RPTOR: variants seen among roughly 807,000 people sequenced by gnomAD.
The protein encoded by RPTOR is regulatory associated protein of MTOR complex 1.
Under a neutral mutation model 169.9 loss-of-function variants are expected in RPTOR, and 21 were observed. The ratio of observed to expected loss-of-function variants is 0.12; its 90% CI spans 0.09 to 0.18. The LOEUF (loss-of-function observed/expected upper bound fraction) is 0.18. Ranked by LOEUF, RPTOR falls within the 10% of genes least tolerant of loss-of-function variation. RPTOR has a pLI of 1.00. For missense variants in RPTOR, 1,133 were observed against 1,855.9 expected, an observed-to-expected ratio of 0.61 and a Z score of 7.16; for synonymous variants, 732 against 753.2, an observed-to-expected ratio of 0.97 and a Z score of 0.46.
chr17:80,925,491 GGT>G lies in RPTOR; in HGVS notation c.2919+15_2919+16del. 6.2e-7 allele frequency: 1 copy of G among 1,606,600 alleles called. No individual in the cohort carries two copies. On this transcript the variant is annotated intron_variant, in intron 24 of 33. Coordinates refer to ENST00000306801, the MANE Select transcript of RPTOR (RefSeq NM_020761.3). ...CAGCCCGTCATGAAGGTGCGCCCGG[GGT>G]GTGGGGTTCAGAGTAGAGTCCTAGC...
Position 80,877,087 on chromosome 17 carries a change from G to A in RPTOR, c.1510-3328G>A, listed in dbSNP as rs543349033. Among the ~76,000 whole-genome samples, 4 of 152,174 alleles carry A rather than the reference G, an allele frequency of 2.6e-5. 1 individual carries two copies. Among genetic ancestry groups the A allele is most frequent in the East Asian group, 1.9e-4 (1 of 5,176 alleles). ...CCTGCTGGGTCTTCCCACTGAGCCC[G>A]TGCCACGCAGGGAGTGTGTGTTGCC... On this transcript the variant is annotated intron_variant, in intron 13 of 33. Transcript: ENST00000306801.
intron 3 of RPTOR, among the ~76,000 whole-genome samples, chr17:80,689,993 T>G (rs1308653115): frequency 3.9e-5 from 6 of 152,230 alleles, no homozygotes; most frequent in African/African-American, 1.4e-4. Flanking sequence ...ACTTTACCAT[T>G]AAGTTATATG....
In RPTOR at chr17:80,964,290, A is replaced by G; in HGVS notation, c.3968A>G (p.Tyr1323Cys). 6.2e-7 allele frequency: 1 copy of G among 1,607,774 alleles called. No homozygotes were observed. Among genetic ancestry groups the G allele is most frequent in the East Asian group, 2.2e-5 (1 of 44,776 alleles). ...CACCTGGCCGTGGGAAGCAACGACT[A>G]CTACATCTCCGTGTACTCGGTGGAG... The part of the protein sequence containing the change: ...WPHLAVGSND[Y>C]YISVYSVEKR... The change falls in exon 34 of 34, where the codon TAC becomes TGC. Residue 1323 changes from tyrosine to cysteine, a missense_variant. By Grantham distance (194) the Tyr-to-Cys change is radical. Transcript: ENST00000306801.
At chr17:80,872,099 C>T (rs1327405620) in intron 13 of RPTOR, among the ~76,000 whole-genome samples, 3 of 152,168 alleles carry the variant, frequency 2.0e-5, no homozygotes, top group Non-Finnish European at 2.9e-5. Context: ...AACAAGATTG[C>T]ATTGCTAGGG....
Position 80,700,902 on chromosome 17 carries a change from C to T in RPTOR, c.349-6939C>T, listed in dbSNP as rs62067889. ...TGGCTTGACCTGGGTATTGATAGCA[C>T]GGATAGAAAGAGGTGGATGGACTCA... On this transcript the variant is annotated intron_variant, in intron 3 of 33. Coordinates refer to ENST00000306801, the MANE Select transcript of RPTOR (RefSeq NM_020761.3). 5.3e-5 allele frequency among the ~76,000 whole-genome samples: 8 copies of T among 151,168 alleles called. No homozygotes were observed. In the East Asian group the frequency reaches 9.7e-4, roughly 18 times the overall value.
intron 3 of RPTOR, among the ~76,000 whole-genome samples, chr17:80,661,467 A>G (rs1038875327): frequency 6.6e-6 from 1 of 151,888 alleles, no homozygotes. Context: ...TCAACTAACA[A>G]CCCTTCTCCA....
rs919900084 is a variant in RPTOR, at chr17:80,742,001, A to C, written c.654+11295A>C. Among the ~76,000 whole-genome samples the C allele has an allele frequency of 5.9e-5, 9 of 152,138 alleles. No individual in the cohort carries two copies. The South Asian group carries it at 1.9e-3, about 32-fold the overall frequency. On this transcript the variant is annotated intron_variant, in intron 5 of 33. Transcript: ENST00000306801. Reference sequence around the variant, plus strand: ...CAGTTAGCTGATTGCTGTGCTGTTGAGCGGCTCACACGAGGAGGACTGAGG... The same window carrying C: ...CAGTTAGCTGATTGCTGTGCTGTTGCGCGGCTCACACGAGGAGGACTGAGG...
rs1431140575 is a variant in RPTOR, at chr17:80,659,814, T to G, written c.348+16004T>G. ...ACTGCGCCCGGACCATCTGGCTAAT[T>G]TAAAAAATTTTTTTGTAGAGATAAG... is the stretch of plus-strand genomic sequence containing the variant. On this transcript the variant is annotated intron_variant, in intron 3 of 33. Transcript: ENST00000306801. The surrounding 1 kb of genome is among the most constrained non-coding windows in gnomAD (Gnocchi z 4.3). Among the ~76,000 whole-genome samples, 1 of 152,158 alleles carries G rather than the reference T, an allele frequency of 6.6e-6. No homozygotes were observed. The highest frequency in any genetic ancestry group is 1.5e-5 in the Non-Finnish European group (1 of 68,016).
chr17:80,567,297 T>A (rs574836444), intron 1 of RPTOR, among the ~76,000 whole-genome samples: 26 of 152,166 alleles, frequency 1.7e-4, no homozygotes, highest in African/African-American at 4.1e-4. Flanking sequence ...ATTTTATTTT[T>A]TTTTTTGGTG....
chr17:80,896,214 T>C (rs2068396542), intron 20 of RPTOR, among the ~76,000 whole-genome samples: 1 of 152,222 alleles, frequency 6.6e-6, no homozygotes, highest in Admixed American at 6.5e-5. Flanking sequence ...ATTTTTTCTT[T>C]ATGCCACCCC....
chr17:80,701,477 G>T (rs1221377807), intron 3 of RPTOR, among the ~76,000 whole-genome samples: 1 of 152,144 alleles, frequency 6.6e-6, no homozygotes, highest in Non-Finnish European at 1.5e-5. Context: ...GGAAATGCCG[G>T]GCAGGGAAGA....
At chr17:80,940,221 A>T (rs1049113056) in intron 24 of RPTOR, among the ~76,000 whole-genome samples, 3 of 152,242 alleles carry the variant, frequency 2.0e-5, no homozygotes, top group Non-Finnish European at 2.9e-5. Flanking sequence ...TTAAAATAAC[A>T]ATACAACAAG....
intron 5 of RPTOR, among the ~76,000 whole-genome samples, chr17:80,743,767 T>C (rs539712541): frequency 0.1 from 8,422 of 83,626 alleles, 1,178 homozygotes; most frequent in African/African-American, 0.11. Context: ...ACTAGCACTC[T>C]CCTGGTTACT....
rs770003181 is a variant in RPTOR, at chr17:80,754,005, T to G, written c.655-5T>G. On this transcript the variant is annotated splice_region_variant and splice_polypyrimidine_tract_variant and intron_variant, in intron 5 of 33. Transcript: ENST00000306801. This position sits in a 1 kb window ranked among gnomAD's most constrained non-coding sequence, Gnocchi z 4.2. ...CTCTCTTTTCCCGAATGTTCTGCCC[T>G]TCAGGTAGCTGCAATCAACCCAAAT... 10 of 1,611,280 alleles carry G rather than the reference T, an allele frequency of 6.2e-6. No individual in the cohort carries two copies. Among genetic ancestry groups the G allele is most frequent in the Admixed American group, 1.7e-5 (1 of 59,920 alleles).
intron 3 of RPTOR, among the ~76,000 whole-genome samples, chr17:80,698,383 G>A (rs2066055278): frequency 1.3e-5 from 2 of 151,958 alleles, no homozygotes; most frequent in African/African-American, 2.4e-5. Context: ...AAAAGTGACG[G>A]GACGGAGCAA....
chr17:80,826,913 T>A (rs1176960000), intron 9 of RPTOR, among the ~76,000 whole-genome samples: 8 of 152,258 alleles, frequency 5.3e-5, no homozygotes, highest in Non-Finnish European at 1.0e-4. Flanking sequence ...TTGAATTTTT[T>A]TCCTTTTTCT....
chr17:80,868,924 T>C (rs1226966333), intron 13 of RPTOR, among the ~76,000 whole-genome samples: 2 of 151,946 alleles, frequency 1.3e-5, no homozygotes, highest in Non-Finnish European at 2.9e-5. Flanking sequence ...AGAAAGAAGA[T>C]GAGCTGCTGC....
intron 3 of RPTOR, among the ~76,000 whole-genome samples, chr17:80,674,008 A>C (rs1046160946): frequency 1.3e-5 from 2 of 152,180 alleles, no homozygotes; most frequent in Admixed American, 1.3e-4. Context: ...CTTAAAATTA[A>C]TTGTCCACTT....
intron 3 of RPTOR, among the ~76,000 whole-genome samples, chr17:80,655,993 C>T (rs751972975): frequency 4.5e-4 from 68 of 152,162 alleles, no homozygotes; most frequent in African/African-American, 1.4e-3. Context: ...CCTCCTTAGT[C>T]GTTCTCATTT....
Sources: allele counts gnomAD v4.1 joint callset (sites outside exome capture counted in the v4.1 genomes callset), GRCh38; gene constraint gnomAD v4.1.1; non-coding constraint Gnocchi (gnomAD v3.1); transcripts MANE v1.5; gene names NCBI Gene and HGNC (gene_info 2026-07-23, HGNC 2026-07-21).